Variants in NCKAP5L observed in about 807,000 individuals in gnomAD.
NCKAP5L encodes NCK associated protein 5 like.
A neutral mutation model predicts 103.2 loss-of-function variants in NCKAP5L; 54 were observed. That is an observed-to-expected ratio of 0.52 (90% CI 0.42 to 0.66). NCKAP5L has a LOEUF of 0.66. Among genes scored for constraint, NCKAP5L ranks in the 30% least tolerant of loss-of-function variants. The pLI is 0.00. For synonymous variants in NCKAP5L, 762 were observed against 748.6 expected, an observed-to-expected ratio of 1.02 and a Z score of -0.29; for missense variants, 1,733 against 1,750.6, an observed-to-expected ratio of 0.99 and a Z score of 0.18.
At chr12:49,820,314 T>G (rs1408686651) in intron 1 of NCKAP5L, among the ~76,000 whole-genome samples, 1 of 110,574 alleles carries the variant, frequency 9.0e-6, no homozygotes, top group African/African-American at 4.2e-5. Context: ...TCTCCTGGCC[T>G]TTTTTTTTTT....
At chr12:49,813,588 C>T (rs1364991666) in intron 1 of NCKAP5L, among the ~76,000 whole-genome samples, 3 of 152,048 alleles carry the variant, frequency 2.0e-5, no homozygotes, top group Non-Finnish European at 2.9e-5. Context: ...AGTGCAGTGG[C>T]GCGATTTCAG....
At position 49,793,716 on chromosome 12, in the gene NCKAP5L, C is replaced by T. The variant is rs1175155223; in HGVS notation, c.3258+18G>A. 6.5e-7 allele frequency: 1 copy of T among 1,534,058 alleles called. No homozygotes were observed. The highest frequency in any genetic ancestry group is 1.4e-5 in the African/African-American group (1 of 72,412). On this transcript the variant is annotated intron_variant, in intron 9 of 12. Coordinates refer to ENST00000335999, the MANE Select transcript of NCKAP5L (RefSeq NM_001037806.4). ...AGAGAGCCAGGCCGTCCACCCAGTC[C>T]CTACCCCAAGAACTTACCTTTCCAG... is the stretch of plus-strand genomic sequence containing the variant.
At position 49,796,031 on chromosome 12, in the gene NCKAP5L, G is replaced by A; in HGVS notation, c.1829C>T (p.Pro610Leu). 1.3e-6 allele frequency: 2 copies of A among 1,555,678 alleles called. No individual in the cohort carries two copies. The highest frequency in any genetic ancestry group is 1.7e-6 in the Non-Finnish European group (2 of 1,155,854). Residue 610 changes from proline to leucine, a missense_variant, in exon 8 of 13, where the codon CCA becomes CTA. Coordinates refer to ENST00000335999, the MANE Select transcript of NCKAP5L (RefSeq NM_001037806.4). The part of the protein sequence containing the change: ...SPGVPPSPCL[P>L]ESYPYGSPQE... ...GGGGCTCCCATAGGGGTACGATTCTGGGAGGCAAGGACTGGGGGGTACTCC... is the reference window on the plus strand; with the variant it reads ...GGGGCTCCCATAGGGGTACGATTCTAGGAGGCAAGGACTGGGGGGTACTCC...
At chr12:49,819,486 T>C (rs1448214785) in intron 1 of NCKAP5L, among the ~76,000 whole-genome samples, 1 of 152,322 alleles carries the variant, frequency 6.6e-6, no homozygotes, top group African/African-American at 2.4e-5. Flanking sequence ...AATAGGACAC[T>C]ATTCAGTCCT....
intron 1 of NCKAP5L, among the ~76,000 whole-genome samples, chr12:49,821,911 A>G (rs1275024235): frequency 6.6e-6 from 1 of 152,218 alleles, no homozygotes; most frequent in African/African-American, 2.4e-5. Context: ...CTTGGGGCCA[A>G]CTGGGGAACC....
Position 49,795,818 on chromosome 12 carries a change from G to C in NCKAP5L, c.2042C>G (p.Ser681Ter). The C allele has an allele frequency of 6.4e-7, 1 of 1,569,570 alleles. No homozygotes were observed. The highest frequency in any genetic ancestry group is 8.6e-7 in the Non-Finnish European group (1 of 1,157,932). ...CCTGGCTGGCACCCCATTCTTCTCTGAGCCCAGGGCCCCCTCGGGGCCTGT... is the reference window on the plus strand; with the variant it reads ...CCTGGCTGGCACCCCATTCTTCTCTCAGCCCAGGGCCCCCTCGGGGCCTGT... ...LKTGPEGALG[S>*]EKNGVPARPG... The change falls in exon 8 of 13, where the codon TCA becomes TGA. Residue 681 changes from serine (S) to a stop codon, truncating the protein, a stop_gained. Transcript: ENST00000335999. LOFTEE classifies it high-confidence loss of function.
chr12:49,794,444 A>G (rs1945990792), intron 8 of NCKAP5L, among the ~76,000 whole-genome samples: 1 of 152,136 alleles, frequency 6.6e-6, no homozygotes, highest in Non-Finnish European at 1.5e-5. Context: ...GAAGACCTTT[A>G]TCAGCCCATA....
rs369513767 is a variant in NCKAP5L at position 49,796,008 on chromosome 12, G to A, written c.1852C>T (p.Pro618Ser). ...GCCTTGTCCAAACTCTTCTCTTGGG[G>A]GCTCCCATAGGGGTACGATTCTGGG... ...CLPESYPYGS[P>S]QEKSLDKAGS... Residue 618 changes from proline (P) to serine (S), a missense_variant, in exon 8 of 13, where the codon CCC (proline) becomes TCC (serine). Coordinates refer to ENST00000335999, the MANE Select transcript of NCKAP5L (RefSeq NM_001037806.4). 5.3e-5 allele frequency: 81 copies of A among 1,541,400 alleles called. No individual in the cohort carries two copies. Among genetic ancestry groups the A allele is most frequent in the Non-Finnish European group, 6.3e-5 (73 of 1,150,304 alleles).
At chr12:49,799,108 C>T (rs1204428117) in intron 6 of NCKAP5L, among the ~76,000 whole-genome samples, 4 of 152,108 alleles carry the variant, frequency 2.6e-5, no homozygotes, top group Non-Finnish European at 4.4e-5. Context: ...GTCTCTGCAG[C>T]GCCCCTCAAG....
intron 1 of NCKAP5L, among the ~76,000 whole-genome samples, chr12:49,814,559 C>T (rs1473875700): frequency 6.6e-6 from 1 of 151,816 alleles, no homozygotes; most frequent in African/African-American, 2.4e-5. Flanking sequence ...TGAGGGTATC[C>T]ACTTCTTCCT....
At position 49,796,268 on chromosome 12, in the gene NCKAP5L, T is replaced by C; in HGVS notation, c.1592A>G (p.Asp531Gly). The stretch of plus-strand genomic sequence containing the variant: ...CTGCGGGGGTCTGAGCTGTGTGGAG[T>C]CTGGGGTTGTGTAGCAGGGTGAAGG... ...TSPSPCYTTP[D>G]STQLRPPQSA... The change falls in exon 8 of 13, where the codon GAC (aspartate) becomes GGC (glycine). Residue 531 changes from aspartate (D) to glycine (G), a missense_variant. Physicochemically the swap from Asp to Gly is moderately conservative, Grantham distance 94. Coordinates refer to ENST00000335999, the MANE Select transcript of NCKAP5L (RefSeq NM_001037806.4). 1 of 1,553,892 alleles carries C rather than the reference T, an allele frequency of 6.4e-7. No homozygotes were observed. The highest frequency in any genetic ancestry group is 2.3e-5 in the East Asian group (1 of 44,174).
intron 10 of NCKAP5L, 141 bp from the exon 11 acceptor site, chr12:49,793,127 C>T: frequency 3.8e-6 from 3 of 792,268 alleles, no homozygotes; most frequent in Non-Finnish European, 3.9e-6. Context: ...AGCACCTGTC[C>T]ACCAACCCCA....
In NCKAP5L at chr12:49,827,450, C is replaced by T. The variant is rs558631892; in HGVS notation, c.-99+872G>A. 8.5e-5 allele frequency among the ~76,000 whole-genome samples: 13 copies of T among 152,352 alleles called. 1 individual carries two copies. The highest frequency in any genetic ancestry group is 3.1e-4 in the African/African-American group (13 of 41,572). The stretch of plus-strand genomic sequence containing the variant: ...AAACCAGGCCTGTGGGAGGTGAGGG[C>T]CCTCTGTGCCCTTGGGGCCGTGCCA... On this transcript the variant is annotated intron_variant, in intron 1 of 12. Coordinates refer to ENST00000335999, the MANE Select transcript of NCKAP5L (RefSeq NM_001037806.4).
intron 1 of NCKAP5L, among the ~76,000 whole-genome samples, chr12:49,826,499 CCTAA>C (rs1478406679): frequency 1.3e-5 from 2 of 152,148 alleles, no homozygotes; most frequent in Non-Finnish European, 2.9e-5. Context: ...GGGTTCTAAT[CCTAA>C]CTAATTGCAA....
chr12:49,826,584 A>G lies in NCKAP5L; in HGVS notation c.-99+1738T>C, dbSNP rs1946418859. Among the ~76,000 whole-genome samples the G allele has an allele frequency of 2.0e-5, 3 of 152,226 alleles. No homozygotes were observed. In the South Asian group the frequency reaches 6.2e-4, roughly 31 times the overall value. On this transcript the variant is annotated intron_variant, in intron 1 of 12. Transcript: ENST00000335999. ...CTGCCAGAGGACCTTTCTCCCCTATAGATTCACCCATCAGTGGAACCATTC... is the reference window on the plus strand; with the variant it reads ...CTGCCAGAGGACCTTTCTCCCCTATGGATTCACCCATCAGTGGAACCATTC...
In NCKAP5L at chr12:49,792,016, G is replaced by A; in HGVS notation, c.3828C>T (p.Pro1276=). The change falls in exon 13 of 13, where the codon CCC becomes CCT. Residue 1276 remains proline (P), a synonymous_variant. Transcript: ENST00000335999. The surrounding 1 kb of genome is among the most constrained non-coding windows in gnomAD (Gnocchi z 4.5). ...CCTGGGGCGTAGGGGACGGGCGGCTGGGCTCCTGGCTTCGCTTCCGGTCCA... is the reference window on the plus strand; with the variant it reads ...CCTGGGGCGTAGGGGACGGGCGGCTAGGCTCCTGGCTTCGCTTCCGGTCCA... ...LPVDRKRSQE[P]SRPSPTPQGP... is the part of the protein sequence containing the mutation. 6.4e-7 allele frequency: 1 copy of A among 1,569,586 alleles called. No individual in the cohort carries two copies. Among genetic ancestry groups the A allele is most frequent in the Non-Finnish European group, 8.6e-7 (1 of 1,159,168 alleles).
intron 1 of NCKAP5L, among the ~76,000 whole-genome samples, chr12:49,822,689 G>A (rs1946374271): frequency 6.6e-6 from 1 of 151,706 alleles, no homozygotes; most frequent in African/African-American, 2.4e-5. Context: ...TGGGACTACA[G>A]GTTCACACCA....
At position 49,792,545 on chromosome 12, in the gene NCKAP5L, G is replaced by A. The variant is rs201372374; in HGVS notation, c.3693C>T (p.Ala1231=). 537 of 1,613,818 alleles carry A rather than the reference G, an allele frequency of 3.3e-4. 2 individuals carry two copies. The African/African-American group carries it at 6.4e-3, about 19-fold the overall frequency. The change falls in exon 12 of 13, where the codon GCC becomes GCT. Residue 1231 remains alanine (A), a synonymous_variant. Coordinates refer to ENST00000335999, the MANE Select transcript of NCKAP5L (RefSeq NM_001037806.4). The surrounding 1 kb of genome is among the most constrained non-coding windows in gnomAD (Gnocchi z 4.5). The part of the protein sequence containing the change: ...DPGPTPPVQL[A]KNWTFPNTRA... The stretch of plus-strand genomic sequence containing the variant: ...TAGTATTGGGGAAGGTCCAGTTCTT[G>A]GCCAGCTGGACAGGAGGGGTGGGGC...
rs566493955 is a variant in NCKAP5L, at chr12:49,795,024, C to A, written c.2836G>T (p.Gly946Trp). 1.9e-6 allele frequency: 3 copies of A among 1,606,738 alleles called. No individual in the cohort carries two copies. In the South Asian group the frequency reaches 3.3e-5, roughly 18 times the overall value. The change falls in exon 8 of 13, where the codon GGG becomes TGG. Residue 946 changes from glycine (G) to tryptophan (W), a missense_variant. Gly to Trp is a radical substitution (Grantham distance 184, BLOSUM62 -2). Coordinates refer to ENST00000335999, the MANE Select transcript of NCKAP5L (RefSeq NM_001037806.4). The part of the protein sequence containing the change: ...EATKNKEGAG[G>W]GSPLRREVKM... ...ACTTCCCTCCGGAGCGGGGAGCCCCCGCCAGCCCCCTCCTTGTTCTTGGTG... is the reference window on the plus strand; with the variant it reads ...ACTTCCCTCCGGAGCGGGGAGCCCCAGCCAGCCCCCTCCTTGTTCTTGGTG...
Sources: gnomAD v4.1 joint callset for allele counts (sites outside exome capture counted in the v4.1 genomes callset) on GRCh38, gnomAD v4.1.1 for gene constraint, Gnocchi (gnomAD v3.1) non-coding constraint, MANE v1.5 for transcripts, NCBI Gene and HGNC (gene_info 2026-07-23, HGNC 2026-07-21) for gene names.